The following DENND5B variants were observed in gnomAD, a reference collection of about 807,000 sequenced individuals.
DENND5B encodes the protein DENN domain-containing protein 5B.
DENND5B carries 34 observed loss-of-function variants against 140.6 expected under a neutral mutation model. That is an observed-to-expected ratio of 0.24 (90% CI 0.18 to 0.32). The LOEUF (loss-of-function observed/expected upper bound fraction) is 0.32, where lower values mean the gene tolerates loss of function less well. DENND5B is among the 10% of genes least tolerant of loss of function. The probability of loss-of-function intolerance (pLI) is 1.00; values close to 1 mark genes in which losing one functional copy is unlikely to be tolerated. For synonymous variants in DENND5B, 551 were observed against 562.1 expected, an observed-to-expected ratio of 0.98 and a Z score of 0.28; for missense variants, 1,142 against 1,560.2, an observed-to-expected ratio of 0.73 and a Z score of 4.52.
At chr12:31,407,609 A>G (rs974432005) in intron 14 of DENND5B, among the ~76,000 whole-genome samples, 1 of 152,144 alleles carries the variant, frequency 6.6e-6, no homozygotes, top group South Asian at 2.1e-4. Flanking sequence ...GTGAAATGTT[A>G]GTGATATTTA....
intron 4 of DENND5B, among the ~76,000 whole-genome samples, chr12:31,457,138 C>A (rs970159947): frequency 6.6e-6 from 1 of 152,162 alleles, no homozygotes; most frequent in Non-Finnish European, 1.5e-5. Context: ...AACAAAGTTG[C>A]AAAAGCAGCT....
chr12:31,397,071 T>C (rs1941512644), intron 17 of DENND5B, among the ~76,000 whole-genome samples: 1 of 152,196 alleles, frequency 6.6e-6, no homozygotes, highest in Admixed American at 6.6e-5. Flanking sequence ...AAAGCCTACA[T>C]TAGTAATTTA....
chr12:31,499,804 T>G, intron 1 of DENND5B: 1 of 611,798 alleles, frequency 1.6e-6, no homozygotes, highest in Non-Finnish European at 2.5e-6. Flanking sequence ...AACATTAGAA[T>G]GTAGCTTAAC....
At chr12:31,574,267 A>AAATAATAATAATAATAATAATAATAAT (rs60548839) in intron 1 of DENND5B, among the ~76,000 whole-genome samples, 1 of 89,702 alleles carries the variant, frequency 1.1e-5, no homozygotes, top group Non-Finnish European at 2.6e-5. Flanking sequence ...TGTCTCTAAA[A>AAATAATAATAATAATAATAATAATAAT]AATAATAATA....
At chr12:31,468,926 C>A (rs984251883) in intron 3 of DENND5B, among the ~76,000 whole-genome samples, 1 of 152,092 alleles carries the variant, frequency 6.6e-6, no homozygotes, top group Non-Finnish European at 1.5e-5. Context: ...GACAAAACTA[C>A]AGATATAACA....
Position 31,590,998 on chromosome 12 carries a change from C to G in DENND5B, c.-166G>C. The G allele has an allele frequency of 2.6e-6, 2 of 780,596 alleles. No homozygotes were observed. Among genetic ancestry groups the G allele is most frequent in the Non-Finnish European group, 3.1e-6 (2 of 635,552 alleles). 48.4% of individuals were successfully genotyped at this position (780,596 alleles called of 1,614,324 possible). A position where few individuals can be genotyped will look rare whatever the true frequency, so the allele number is the denominator to read the frequency against. ...CGCCGCCGCAGCCTGCCTCCTCGCT[C>G]GGCGCGGGGGAAGCGGCCGCGGGCT... On this transcript the variant is annotated 5_prime_UTR_variant, in exon 1 of 21. Coordinates refer to ENST00000389082, the MANE Select transcript of DENND5B (RefSeq NM_144973.4).
intron 1 of DENND5B, among the ~76,000 whole-genome samples, chr12:31,547,311 C>G (rs879818972): frequency 3.3e-5 from 5 of 152,156 alleles, no homozygotes; most frequent in African/African-American, 1.2e-4. Flanking sequence ...TACTCCCCTC[C>G]CAACTTTTTA....
intron 1 of DENND5B, among the ~76,000 whole-genome samples, chr12:31,583,520 A>C (rs931019000): frequency 6.6e-6 from 1 of 151,858 alleles, no homozygotes; most frequent in African/African-American, 2.4e-5. Flanking sequence ...CTACCAAAAA[A>C]TACAAAAATT....
chr12:31,535,073 C>CAAAAA (rs747166398), intron 1 of DENND5B: 12 of 95,920 alleles, frequency 1.3e-4, no homozygotes, highest in South Asian at 4.9e-4. Context: ...GACTCTGTCT[C>CAAAAA]AAAAAAAAAA....
intron 1 of DENND5B, among the ~76,000 whole-genome samples, chr12:31,587,459 C>T (rs1826783059): frequency 6.8e-6 from 1 of 146,966 alleles, no homozygotes; most frequent in African/African-American, 2.5e-5. Flanking sequence ...CTACCTTCAA[C>T]ATCTATCTAG....
rs1218947745 is a variant in DENND5B at position 31,557,326 on chromosome 12, T to A, written c.127+33380A>T. On this transcript the variant is annotated intron_variant, in intron 1 of 20. Transcript: ENST00000389082. ...TTTACATTTTCCTGTATTGCTTAAA[T>A]TTTCTATAAAATGCATATCAGAATT... Among the ~76,000 whole-genome samples the A allele has an allele frequency of 2.6e-5, 4 of 152,344 alleles. No individual in the cohort carries two copies. The South Asian group carries it at 8.3e-4, about 32-fold the overall frequency.
chr12:31,409,230 A>G, intron 14 of DENND5B, 33 bp downstream of exon 14: 2 of 1,543,114 alleles, frequency 1.3e-6, no homozygotes, highest in Non-Finnish European at 1.7e-6. Flanking sequence ...TGGTCACCTC[A>G]GTAACCCTTA....
In DENND5B at chr12:31,495,916, T is replaced by C; in HGVS notation, c.131A>G (p.Glu44Gly). ...TCTCAAAGGACTCTGGTCAAAATTTTCGCCTACAACAAATAATACATAGTT... is the reference window on the plus strand; with the variant it reads ...TCTCAAAGGACTCTGGTCAAAATTTCCGCCTACAACAAATAATACATAGTT... ...SGLEPDELAGENFDQSPLRRT... is the reference protein window; with the variant it reads ...SGLEPDELAGGNFDQSPLRRT... The change falls in exon 2 of 21, where the codon GAA becomes GGA. Residue 44 changes from glutamate (E) to glycine (G), a missense_variant. Coordinates refer to ENST00000389082, the MANE Select transcript of DENND5B (RefSeq NM_144973.4). The C allele has an allele frequency of 6.2e-7, 1 of 1,603,610 alleles. No individual in the cohort carries two copies. Among genetic ancestry groups the C allele is most frequent in the Non-Finnish European group, 8.5e-7 (1 of 1,174,828 alleles).
At chr12:31,505,256 T>TGA (rs1163210399) in intron 1 of DENND5B, among the ~76,000 whole-genome samples, 1 of 129,520 alleles carries the variant, frequency 7.7e-6, no homozygotes, top group Non-Finnish European at 1.7e-5. Context: ...TTTTTTTTTT[T>TGA]GAGACAGAGT....
chr12:31,576,156 A>G lies in DENND5B; in HGVS notation c.127+14550T>C, dbSNP rs7970569. On this transcript the variant is annotated intron_variant, in intron 1 of 20. Transcript: ENST00000389082. ...GCTCTGTCTCCAAAAAAAAAAAAAAAAAGAAGAATGAGGCCGCGCGCACAG... is the reference window on the plus strand; with the variant it reads ...GCTCTGTCTCCAAAAAAAAAAAAAAGAAGAAGAATGAGGCCGCGCGCACAG... Among the ~76,000 whole-genome samples, 88 of 131,154 alleles carry G rather than the reference A, an allele frequency of 6.7e-4. 2 individuals are homozygous for G. The highest frequency in any genetic ancestry group is 3.9e-3 in the Middle Eastern group (1 of 254). 86.0% of individuals were successfully genotyped at this position (131,154 alleles called of 152,430 possible).
chr12:31,539,651 G>C (rs181068594), intron 1 of DENND5B, among the ~76,000 whole-genome samples: 2 of 152,158 alleles, frequency 1.3e-5, no homozygotes, highest in African/African-American at 4.8e-5. Flanking sequence ...TTCAATGGAT[G>C]CTTAAAAAGC....
At chr12:31,530,075 T>C (rs1948228704) in intron 1 of DENND5B, among the ~76,000 whole-genome samples, 1 of 151,800 alleles carries the variant, frequency 6.6e-6, no homozygotes, top group Admixed American at 6.6e-5. Flanking sequence ...GAGCAACATT[T>C]AAAAAAAATA....
intron 3 of DENND5B, among the ~76,000 whole-genome samples, chr12:31,474,617 C>G (rs1945708509): frequency 6.6e-6 from 1 of 152,204 alleles, no homozygotes; most frequent in Admixed American, 6.5e-5. Flanking sequence ...TACTTTGATT[C>G]ACTTTGGGTT....
At chr12:31,403,896 CCAAAAAAAAAAAAA>C (rs1429160637) in intron 14 of DENND5B, among the ~76,000 whole-genome samples, 4 of 81,628 alleles carry the variant, frequency 4.9e-5, no homozygotes, top group Non-Finnish European at 9.5e-5. Context: ...AACTCCATCT[CCAAAAAAAAAAAAA>C]AAAAAAAAAA....
Sources: allele counts gnomAD v4.1 joint callset (sites outside exome capture counted in the v4.1 genomes callset), GRCh38; gene constraint gnomAD v4.1.1; transcripts MANE v1.5; gene names NCBI Gene and HGNC (gene_info 2026-07-23, HGNC 2026-07-21).